Variants in ZAN observed in about 807,000 individuals in gnomAD.
The protein encoded by ZAN is zonadhesin, also known as zonadhesin (gene/pseudogene).
Under a neutral mutation model 286.2 loss-of-function variants are expected in ZAN, and 260 were observed. That is an observed-to-expected ratio of 0.91 (90% CI 0.82 to 1.01). The LOEUF (loss-of-function observed/expected upper bound fraction) is 1.01. Among genes scored for constraint, ZAN ranks in the 50% least tolerant of loss-of-function variants. The pLI is 0.00. For missense variants in ZAN, 3,410 were observed against 3,639.2 expected (o/e 0.94, Z 1.62); for synonymous variants, 1,368 against 1,417.5 (o/e 0.97, Z 0.79).
At chr7:100,792,982 C>CAAAAAAAAAAAAAAAAAAAAA (rs1232116032) in intron 42 of ZAN, among the ~76,000 whole-genome samples, 11 of 50,974 alleles carry the variant, frequency 2.2e-4, no homozygotes, top group African/African-American at 5.6e-4. Flanking sequence ...CATCCTATCT[C>CAAAAAAAAAAAAAAAAAAAAA]AAAAAAAAAA....
chr7:100,738,871 T>TCCC lies in ZAN; in HGVS notation c.766+259_766+260insCCC, dbSNP rs1807500422. On this transcript the variant is annotated intron_variant, in intron 7 of 47. Transcript: ENST00000613979. ...TTCTTCTTCTTTCTCTTCCTCTTCTTCTTCTCCCTCTCCCTCTCCCTCTCC... is the reference window on the plus strand; with the variant it reads ...TTCTTCTTCTTTCTCTTCCTCTTCTTCCCCTTCTCCCTCTCCCTCTCCCTCTCC... Among the ~76,000 whole-genome samples the TCCC allele has an allele frequency of 1.7e-4, 4 of 23,702 alleles. 1 individual carries two copies. Among genetic ancestry groups the TCCC allele is most frequent in the African/African-American group, 5.4e-4 (4 of 7,474 alleles). 15.5% of individuals were successfully genotyped at this position (23,702 alleles called of 152,430 possible).
Position 100,797,339 on chromosome 7 carries a change from C to T in ZAN, c.8267-27C>T, listed in dbSNP as rs775836660. On this transcript the variant is annotated intron_variant, in intron 45 of 47. Coordinates refer to ENST00000613979, the MANE Select transcript of ZAN (RefSeq NM_003386.3). The stretch of plus-strand genomic sequence containing the variant: ...CCACCCTTCCCGTCTCACGTTCGAC[C>T]TAATGTCTCTTCCCCGCACCCAGAA... The T allele has an allele frequency of 8.1e-6, 13 of 1,610,532 alleles. No individual in the cohort carries two copies. In the South Asian group the frequency reaches 1.2e-4, roughly 15 times the overall value.
intron 31 of ZAN, 145 bp downstream of exon 31, chr7:100,774,010 AT>A: frequency 7.9e-7 from 1 of 1,263,928 alleles, no homozygotes; most frequent in South Asian, 1.5e-5. Context: ...GGTGGGTAAG[AT>A]GACCTCCAAC....
In ZAN at chr7:100,751,269, A is replaced by G; in HGVS notation, c.1606+3A>G. On this transcript the variant is annotated splice_donor_region_variant and intron_variant, in intron 13 of 47. Coordinates refer to ENST00000613979, the MANE Select transcript of ZAN (RefSeq NM_003386.3). ...GATCAATCCTGGGACTTGTCCAGGTAAGACCAAAGCCCAGGCTCCAGGAAG... is the reference window on the plus strand; with the variant it reads ...GATCAATCCTGGGACTTGTCCAGGTGAGACCAAAGCCCAGGCTCCAGGAAG... The G allele has an allele frequency of 6.3e-7, 1 of 1,579,846 alleles. No individual in the cohort carries two copies. Among genetic ancestry groups the G allele is most frequent in the Non-Finnish European group, 8.6e-7 (1 of 1,162,982 alleles).
chr7:100,795,387 C>G, intron 45 of ZAN, 51 bp downstream of exon 45: 1 of 1,457,612 alleles, frequency 6.9e-7, no homozygotes, highest in Non-Finnish European at 9.1e-7. Flanking sequence ...TCCTGGCCGA[C>G]AACCACAGAA....
intron 28 of ZAN, 109 bp downstream of exon 28, chr7:100,770,083 A>C: frequency 9.0e-7 from 1 of 1,113,328 alleles, no homozygotes. Context: ...ATGGAAAAGC[A>C]TGAGGAAGGC....
intron 36 of ZAN, 22 bp downstream of exon 36, chr7:100,784,856 G>T: frequency 3.2e-6 from 5 of 1,562,512 alleles, no homozygotes; most frequent in Non-Finnish European, 4.3e-6. Context: ...TGGGAAATGG[G>T]ACTGGAGGCA....
In ZAN at chr7:100,793,894, GAC is replaced by G; in HGVS notation, c.7863_7864del (p.Arg2621SerfsTer30). ...CCCAGCATCCTGTGCCAACCTGGCA[GAC>G]CCCGGGGACTGCGAGGGCCCCTGCG... On this transcript the variant is annotated frameshift_variant, in exon 43 of 48. Transcript: ENST00000613979. LOFTEE classifies it high-confidence loss of function. 2.5e-6 allele frequency: 4 copies of G among 1,613,926 alleles called. No homozygotes were observed. The highest frequency in any genetic ancestry group is 3.4e-6 in the Non-Finnish European group (4 of 1,179,862).
chr7:100,788,195 C>G, intron 38 of ZAN, 59 bp downstream of exon 38: 4 of 1,423,148 alleles, frequency 2.8e-6, no homozygotes, highest in Non-Finnish European at 3.7e-6. Flanking sequence ...GGTAGGCCAC[C>G]TGGAGTAGAA....
At chr7:100,745,635 C>T (rs777103495) in intron 7 of ZAN, among the ~76,000 whole-genome samples, 11 of 152,080 alleles carry the variant, frequency 7.2e-5, no homozygotes, top group Non-Finnish European at 1.5e-5. Flanking sequence ...CCTGTAATCC[C>T]AGCACTTTGG....
At chr7:100,765,726 GC>G in intron 23 of ZAN, among the ~76,000 whole-genome samples, 172 bp downstream of exon 23, 1 of 152,196 alleles carries the variant, frequency 6.6e-6, no homozygotes, top group Non-Finnish European at 1.5e-5. Context: ...TCGGCTCACT[GC>G]AACTTCCGCC....
At chr7:100,768,109 C>T in intron 26 of ZAN, 98 bp downstream of exon 26, 1 of 1,382,372 alleles carries the variant, frequency 7.2e-7, no homozygotes, top group Non-Finnish European at 9.7e-7. Flanking sequence ...GTTCTAAGTA[C>T]TTGTCAACTG....
chr7:100,737,961 T>C lies in ZAN; in HGVS notation c.614-500T>C, dbSNP rs1458603423. On this transcript the variant is annotated intron_variant, in intron 6 of 47. Coordinates refer to ENST00000613979, the MANE Select transcript of ZAN (RefSeq NM_003386.3). ...CTACAAAAGAATTTATTTATTTATT[T>C]ATTTATTTATTTGAGACGGAATTTC... 1.5e-4 allele frequency among the ~76,000 whole-genome samples: 21 copies of C among 139,152 alleles called. 6 individuals are homozygous for C. The highest frequency in any genetic ancestry group is 2.9e-4 in the Admixed American group (4 of 13,892). 91.3% of individuals were successfully genotyped at this position (139,152 alleles called of 152,430 possible).
At chr7:100,743,738 G>A (rs138384801) in intron 7 of ZAN, among the ~76,000 whole-genome samples, 10,975 of 151,280 alleles carry the variant, frequency 0.073, 631 homozygotes, top group East Asian at 0.14. Context: ...TTAGCCCAGT[G>A]TGGTGGCACA....
At chr7:100,753,832 T>TAAAA (rs59347418) in intron 14 of ZAN, among the ~76,000 whole-genome samples, 3 of 73,174 alleles carry the variant, frequency 4.1e-5, no homozygotes, top group Admixed American at 1.8e-4. Context: ...GACATCGTCC[T>TAAAA]AAAAAAAAAA....
rs1488889388 is a variant in ZAN at position 100,773,729 on chromosome 7, G to A, written c.5643G>A (p.Glu1881=). The A allele has an allele frequency of 3.1e-6, 5 of 1,609,530 alleles. No homozygotes were observed. Among genetic ancestry groups the A allele is most frequent in the Non-Finnish European group, 4.2e-6 (5 of 1,177,908 alleles). Residue 1881 remains glutamate, a synonymous_variant, in exon 31 of 48, where the codon GAG becomes GAA. Coordinates refer to ENST00000613979, the MANE Select transcript of ZAN (RefSeq NM_003386.3). ...DPAGSYHPVG[E]RWYTENTCTR... ...ATCCCTGTGGCCCACAGGTCGGGGAGCGCTGGTACACAGAGAACACCTGCA... is the reference window on the plus strand; with the variant it reads ...ATCCCTGTGGCCCACAGGTCGGGGAACGCTGGTACACAGAGAACACCTGCA...
At chr7:100,767,539 G>C (rs1810076899) in intron 25 of ZAN, among the ~76,000 whole-genome samples, 1 of 144,300 alleles carries the variant, frequency 6.9e-6, no homozygotes, top group East Asian at 2.0e-4. Context: ...GCAGTGGTGC[G>C]ATCATAGCTT....
chr7:100,758,377 C>T (rs753479447), intron 16 of ZAN, 34 bp downstream of exon 16: 2 of 1,605,228 alleles, frequency 1.2e-6, no homozygotes, highest in East Asian at 2.2e-5. Context: ...CCCTGCCTGC[C>T]AGCCAGTTGG....
intron 34 of ZAN, among the ~76,000 whole-genome samples, chr7:100,777,568 G>T (rs1227082660): frequency 6.6e-6 from 1 of 151,816 alleles, no homozygotes; most frequent in Non-Finnish European, 1.5e-5. Flanking sequence ...CATCATGTTG[G>T]TCAGGCTGGC....
Sources: allele counts gnomAD v4.1 joint callset (sites outside exome capture counted in the v4.1 genomes callset), GRCh38; gene constraint gnomAD v4.1.1; transcripts MANE v1.5; gene names NCBI Gene and HGNC (gene_info 2026-07-23, HGNC 2026-07-21).